The following FGGY variants were observed in gnomAD, a reference collection of about 807,000 sequenced individuals.
FGGY encodes the protein FGGY carbohydrate kinase domain-containing protein.
FGGY carries 72 observed loss-of-function variants against 71.3 expected under a neutral mutation model. That is an observed-to-expected ratio of 1.01 (90% confidence interval 0.84 to 1.23). The LOEUF is 1.23. FGGY is among the 50% of genes most tolerant of loss of function. The pLI is 0.00. For missense variants in FGGY, 668 were observed against 682.3 expected (o/e 0.98, Z 0.23); for synonymous variants, 251 against 250.3 (o/e 1.00, Z -0.02).
At chr1:59,439,013 C>G (rs989395578) in intron 5 of FGGY, among the ~76,000 whole-genome samples, 3 of 152,060 alleles carry the variant, frequency 2.0e-5, no homozygotes, top group African/African-American at 7.2e-5. Context: ...TCATAATCTA[C>G]TCTCTCCCTC....
At chr1:59,380,975 G>A (rs1250041372) in intron 5 of FGGY, among the ~76,000 whole-genome samples, 5 of 152,110 alleles carry the variant, frequency 3.3e-5, no homozygotes, top group Non-Finnish European at 5.9e-5. Flanking sequence ...TGTATAGGGT[G>A]TAAGGAAGGA....
At chr1:59,467,448 G>T (rs568898055) in intron 6 of FGGY, among the ~76,000 whole-genome samples, 1 of 152,080 alleles carries the variant, frequency 6.6e-6, no homozygotes, top group African/African-American at 2.4e-5. Context: ...GTATACATAT[G>T]TAACAAACCT....
rs71046339 is a variant in FGGY at position 59,721,337 on chromosome 1, G to GTTTTTTT, written c.1513-36581_1513-36575dup. Among the ~76,000 whole-genome samples the GTTTTTTT allele has an allele frequency of 1.6e-3, 164 of 105,348 alleles. 8 individuals carry two copies. Among genetic ancestry groups the GTTTTTTT allele is most frequent in the East Asian group, 2.6e-3 (8 of 3,122 alleles). 69.1% of individuals were successfully genotyped at this position (105,348 alleles called of 152,430 possible). A position where few individuals can be genotyped will look rare whatever the true frequency, so the allele number is the denominator to read the frequency against. ...AGAGAGTTTTTCTTTTCTTTCCTTT[G>GTTTTTTT]TTTTTTTTTTTTTTTTTTTGAGACG... On this transcript the variant is annotated intron_variant, in intron 14 of 15. Coordinates refer to ENST00000303721, the MANE Select transcript of FGGY (RefSeq NM_018291.5).
At chr1:59,331,660 A>G (rs1433500708) in intron 2 of FGGY, among the ~76,000 whole-genome samples, 1 of 152,158 alleles carries the variant, frequency 6.6e-6, no homozygotes. Context: ...TTTATTGGGT[A>G]TTGTCTATCC....
rs34057760 is a variant in FGGY at position 59,467,267 on chromosome 1, G to T, written c.670+10191G>T. Among the ~76,000 whole-genome samples the T allele has an allele frequency of 3.0e-4, 46 of 152,046 alleles. No homozygotes were observed. In the South Asian group the frequency reaches 7.3e-3, roughly 24 times the overall value. ...ATCACAAGGACAGAAAACCAAACACGGCATGTTCTCACTCATAGGTGGGAA... is the reference window on the plus strand; with the variant it reads ...ATCACAAGGACAGAAAACCAAACACTGCATGTTCTCACTCATAGGTGGGAA... On this transcript the variant is annotated intron_variant, in intron 6 of 15. Transcript: ENST00000303721.
intron 4 of FGGY, among the ~76,000 whole-genome samples, chr1:59,375,269 A>C (rs1557718952): frequency 1.3e-5 from 2 of 150,602 alleles, no homozygotes; most frequent in Admixed American, 1.3e-4. Flanking sequence ...AAAAAAGAAA[A>C]AAAAAAAAAA....
chr1:59,741,129 A>G (rs1226559652), intron 14 of FGGY, among the ~76,000 whole-genome samples: 1 of 152,174 alleles, frequency 6.6e-6, no homozygotes, highest in Non-Finnish European at 1.5e-5. Flanking sequence ...TAAACCTTTC[A>G]TCTTAAAAAT....
intron 6 of FGGY, among the ~76,000 whole-genome samples, chr1:59,511,371 G>C (rs2094513597): frequency 6.6e-6 from 1 of 152,090 alleles, no homozygotes; most frequent in Non-Finnish European, 1.5e-5. Context: ...CTATCTTGGG[G>C]CTCAAAGGGG....
chr1:59,555,939 T>C (rs1473329530), intron 8 of FGGY, among the ~76,000 whole-genome samples: 2 of 152,132 alleles, frequency 1.3e-5, no homozygotes, highest in Non-Finnish European at 2.9e-5. Flanking sequence ...AGGCAGAGGT[T>C]GCAGCAAGCC....
chr1:59,541,598 A>G (rs972424939), intron 7 of FGGY, among the ~76,000 whole-genome samples: 1 of 152,208 alleles, frequency 6.6e-6, no homozygotes, highest in Admixed American at 6.5e-5. Context: ...GGTACTTCAA[A>G]ATGGTAGATT....
chr1:59,582,978 A>G (rs1429169934), intron 8 of FGGY, among the ~76,000 whole-genome samples: 1 of 115,816 alleles, frequency 8.6e-6, no homozygotes, highest in Admixed American at 8.3e-5. Context: ...ACCATTTTGT[A>G]ATGCCACAGA....
intron 7 of FGGY, among the ~76,000 whole-genome samples, chr1:59,538,432 G>T (rs1386312057): frequency 6.6e-6 from 1 of 152,026 alleles, no homozygotes; most frequent in Non-Finnish European, 1.5e-5. Context: ...GGAAGTCAGC[G>T]TGGCGATTCC....
chr1:59,581,808 C>A lies in FGGY; in HGVS notation c.904-25995C>A, dbSNP rs193218141. ...TTTACCCAGCTAGTAAGTAGCAGAC[C>A]TGTCTTTGAATGTAACCCATGTAAA... On this transcript the variant is annotated intron_variant, in intron 8 of 15. Transcript: ENST00000303721. 1.1e-3 allele frequency among the ~76,000 whole-genome samples: 171 copies of A among 150,208 alleles called. 5 individuals carry two copies. Among genetic ancestry groups the A allele is most frequent in the Non-Finnish European group, 2.0e-3 (139 of 67,938 alleles).
At chr1:59,519,845 T>C (rs2094774730) in intron 7 of FGGY, among the ~76,000 whole-genome samples, 1 of 152,228 alleles carries the variant, frequency 6.6e-6, no homozygotes, top group Non-Finnish European at 1.5e-5. Context: ...ACTAATCTCA[T>C]AGCAAGATTT....
At chr1:59,601,689 C>T (rs1353010339) in intron 8 of FGGY, among the ~76,000 whole-genome samples, 1 of 152,156 alleles carries the variant, frequency 6.6e-6, no homozygotes, top group Non-Finnish European at 1.5e-5. Context: ...CCAAGTCCCC[C>T]TAGATTATAA....
At chr1:59,608,693 C>T (rs772225212) in intron 9 of FGGY, among the ~76,000 whole-genome samples, 1 of 152,044 alleles carries the variant, frequency 6.6e-6, no homozygotes, top group Non-Finnish European at 1.5e-5. Context: ...ATTAGCTGGG[C>T]TCGATGGCAG....
At position 59,591,120 on chromosome 1, in the gene FGGY, T is replaced by G. The variant is rs2096426510; in HGVS notation, c.904-16683T>G. Among the ~76,000 whole-genome samples the G allele has an allele frequency of 3.3e-5, 5 of 151,870 alleles. No individual in the cohort carries two copies. In the South Asian group the frequency reaches 1.1e-3, roughly 32 times the overall value. On this transcript the variant is annotated intron_variant, in intron 8 of 15. Coordinates refer to ENST00000303721, the MANE Select transcript of FGGY (RefSeq NM_018291.5). ...AGGATACAAAATCAATGTGCAAAAA[T>G]CACAAGCATTCTTATACACCAATAA... is the stretch of plus-strand genomic sequence containing the variant.
chr1:59,397,823 G>A (rs11586505), intron 5 of FGGY, among the ~76,000 whole-genome samples: 39,255 of 152,038 alleles, frequency 0.26, 5,146 homozygotes, highest in South Asian at 0.39. Context: ...GGAGTACTTC[G>A]GAATCAGCCC....
intron 5 of FGGY, among the ~76,000 whole-genome samples, chr1:59,454,239 G>A (rs1034649892): frequency 6.6e-6 from 1 of 152,158 alleles, no homozygotes; most frequent in Non-Finnish European, 1.5e-5. Flanking sequence ...TACCCTGTGT[G>A]ATTGGATCAT....
Sources: gnomAD v4.1 joint callset for allele counts (sites outside exome capture counted in the v4.1 genomes callset) on GRCh38, gnomAD v4.1.1 for gene constraint, MANE v1.5 for transcripts, NCBI Gene and HGNC (gene_info 2026-07-23, HGNC 2026-07-21) for gene names.